The following GRIA2 variants were observed in gnomAD, a reference collection of about 807,000 sequenced individuals.
GRIA2 encodes the protein glutamate ionotropic receptor AMPA type subunit 2.
In GRIA2, 14 loss-of-function variants were observed where a neutral mutation model predicts 97.3. The observed-to-expected ratio is 0.14, with a 90% CI of 0.10 to 0.23. GRIA2 has a LOEUF of 0.23. Among genes scored for constraint, GRIA2 ranks in the 10% least tolerant of loss-of-function variants. The pLI, the probability that GRIA2 is intolerant of heterozygous loss-of-function variation, is 1.00. For synonymous variants in GRIA2, 412 were observed against 387.8 expected (o/e 1.06, Z -0.73); for missense variants, 558 against 1,069.8 (o/e 0.52, Z 6.67).
intron 12 of GRIA2, among the ~76,000 whole-genome samples, chr4:157,355,680 A>ATT (rs1560780648): frequency 1.2e-4 from 10 of 84,082 alleles, no homozygotes; most frequent in Admixed American, 1.9e-4. Context: ...TTATATATTT[A>ATT]TTTATATATT....
intron 2 of GRIA2, among the ~76,000 whole-genome samples, chr4:157,274,840 G>A (rs1732211102): frequency 6.6e-6 from 1 of 151,922 alleles, no homozygotes; most frequent in South Asian, 2.1e-4. Context: ...GTATGCATGT[G>A]TCTTTATAGC....
chr4:157,311,611 T>G (rs911997753), intron 3 of GRIA2, among the ~76,000 whole-genome samples: 1 of 152,052 alleles, frequency 6.6e-6, no homozygotes, highest in Non-Finnish European at 1.5e-5. Flanking sequence ...TTTGAAGAGA[T>G]ATGTTCACAT....
chr4:157,252,478 A>G (rs1215515515), intron 2 of GRIA2, among the ~76,000 whole-genome samples: 1 of 152,168 alleles, frequency 6.6e-6, no homozygotes, highest in South Asian at 2.1e-4. Flanking sequence ...TAAAAAGAGA[A>G]TTTTGGAAAA....
rs529515261 is a variant in GRIA2, at chr4:157,254,684, C to G, written c.229+32877C>G. Reference sequence around the variant, plus strand: ...GTGTGAAATAGGCAATGGACTGTCACCCGGAGTTGGAGAGGCTTTAACTTA... The same window carrying G: ...GTGTGAAATAGGCAATGGACTGTCAGCCGGAGTTGGAGAGGCTTTAACTTA... On this transcript the variant is annotated intron_variant, in intron 2 of 15. Transcript: ENST00000264426. Among the ~76,000 whole-genome samples the G allele has an allele frequency of 1.5e-3, 235 of 152,034 alleles. 1 individual carries two copies. Among genetic ancestry groups the G allele is most frequent in the African/African-American group, 4.9e-3 (204 of 41,512 alleles).
At chr4:157,272,746 G>A (rs761939849) in intron 2 of GRIA2, among the ~76,000 whole-genome samples, 33 of 151,974 alleles carry the variant, frequency 2.2e-4, no homozygotes, top group Non-Finnish European at 3.7e-4. Flanking sequence ...TGATCTTTTG[G>A]GGGTTTCTCA....
intron 3 of GRIA2, among the ~76,000 whole-genome samples, chr4:157,308,089 TTTTA>T (rs1270819627): frequency 6.6e-6 from 1 of 152,230 alleles, no homozygotes; most frequent in African/African-American, 2.4e-5. Flanking sequence ...CAGTAATCAT[TTTTA>T]ATTTAACCCT....
intron 12 of GRIA2, among the ~76,000 whole-genome samples, chr4:157,356,019 ATTTATATATTTATATT>A (rs1736329905): frequency 9.3e-6 from 1 of 107,460 alleles, no homozygotes; most frequent in African/African-American, 3.8e-5. Flanking sequence ...ATTTATATAT[ATTTATATATTTATATT>A]TATTTATATA....
At chr4:157,340,203 C>T (rs1029963097) in intron 11 of GRIA2, among the ~76,000 whole-genome samples, 1 of 151,802 alleles carries the variant, frequency 6.6e-6, no homozygotes, top group Non-Finnish European at 1.5e-5. Flanking sequence ...TCACAAATTG[C>T]CAATCATGAT....
chr4:157,265,731 T>C (rs994080275), intron 2 of GRIA2, among the ~76,000 whole-genome samples: 6 of 152,104 alleles, frequency 3.9e-5, no homozygotes, highest in African/African-American at 1.4e-4. Context: ...ATGGGAGACC[T>C]TTATGAGATG....
chr4:157,288,141 G>C (rs967079281), intron 2 of GRIA2, among the ~76,000 whole-genome samples: 2 of 151,376 alleles, frequency 1.3e-5, no homozygotes, highest in Admixed American at 1.3e-4. Context: ...TTTAATTTTA[G>C]TATAAGCAGA....
intron 2 of GRIA2, among the ~76,000 whole-genome samples, chr4:157,245,598 A>C (rs902294154): frequency 1.3e-5 from 2 of 152,076 alleles, no homozygotes; most frequent in Admixed American, 1.3e-4. Flanking sequence ...AATGAAATCC[A>C]ACTATAATAT....
At chr4:157,222,276 C>T (rs1729533757) in intron 2 of GRIA2, among the ~76,000 whole-genome samples, 1 of 152,208 alleles carries the variant, frequency 6.6e-6, no homozygotes, top group Non-Finnish European at 1.5e-5. Context: ...CCAGCAGCTG[C>T]CGCTCTCGCC....
chr4:157,333,323 C>A lies in GRIA2; in HGVS notation c.1125C>A (p.Ile375=). The change falls in exon 8 of 16, where the codon ATC becomes ATA. Residue 375 remains isoleucine, a synonymous_variant. Transcript: ENST00000264426. ...AAAGAATAAACTATACAATTAACATCATGGAGCTCAAAACTAATGGGCCCC... is the reference window on the plus strand; with the variant it reads ...AAAGAATAAACTATACAATTAACATAATGGAGCTCAAAACTAATGGGCCCC... ...NGKRINYTIN[I]MELKTNGPRK... is the part of the protein sequence containing the mutation. The A allele has an allele frequency of 6.3e-7, 1 of 1,598,458 alleles. No homozygotes were observed. The highest frequency in any genetic ancestry group is 8.6e-7 in the Non-Finnish European group (1 of 1,168,942).
intron 12 of GRIA2, among the ~76,000 whole-genome samples, chr4:157,351,508 C>T (rs886772851): frequency 6.6e-6 from 1 of 152,236 alleles, no homozygotes; most frequent in South Asian, 2.1e-4. Flanking sequence ...ATAACATTTG[C>T]ATTGACAACT....
chr4:157,310,462 C>T (rs1378936441), intron 3 of GRIA2, among the ~76,000 whole-genome samples: 1 of 151,838 alleles, frequency 6.6e-6, no homozygotes, highest in Non-Finnish European at 1.5e-5. Context: ...TATAAAGATT[C>T]CCAAACACTC....
At chr4:157,342,464 G>A (rs1417382495) in intron 12 of GRIA2, 1 of 983,836 alleles carries the variant, frequency 1.0e-6, no homozygotes, top group African/African-American at 1.7e-5. Context: ...GGACCTTGAT[G>A]AATTAATTAG....
chr4:157,324,412 A>G (rs1195565212), intron 6 of GRIA2, among the ~76,000 whole-genome samples: 2 of 152,204 alleles, frequency 1.3e-5, no homozygotes, highest in Admixed American at 6.5e-5. Context: ...AGAAGGAGAC[A>G]ATCATATCAA....
At chr4:157,256,228 TATATA>T (rs1731254106) in intron 2 of GRIA2, among the ~76,000 whole-genome samples, 1 of 122,368 alleles carries the variant, frequency 8.2e-6, no homozygotes, top group South Asian at 2.2e-4. Flanking sequence ...TAATATATAA[TATATA>T]ATATATATAT....
chr4:157,239,821 C>T (rs986192654), intron 2 of GRIA2, among the ~76,000 whole-genome samples: 1 of 151,792 alleles, frequency 6.6e-6, no homozygotes, highest in African/African-American at 2.4e-5. Context: ...TTAGATTTTC[C>T]ATTTTTATAT....
Sources: allele counts gnomAD v4.1 joint callset (sites outside exome capture counted in the v4.1 genomes callset), GRCh38; gene constraint gnomAD v4.1.1; transcripts MANE v1.5; gene names NCBI Gene and HGNC (gene_info 2026-07-23, HGNC 2026-07-21).